The following CNTNAP2 variants were observed in gnomAD, a reference collection of about 807,000 sequenced individuals.
CNTNAP2 encodes the protein contactin-associated protein-like 2.
Under a neutral mutation model 155.2 loss-of-function variants are expected in CNTNAP2, and 98 were observed. The observed-to-expected ratio is 0.63, with a 90% CI of 0.54 to 0.75. The LOEUF (loss-of-function observed/expected upper bound fraction) is 0.75. Ranked by LOEUF, CNTNAP2 falls within the 30% of genes least tolerant of loss-of-function variation. The probability of loss-of-function intolerance (pLI) is 0.00; values close to 1 mark genes in which losing one functional copy is unlikely to be tolerated. For synonymous variants in CNTNAP2, 651 were observed against 631.2 expected, an observed-to-expected ratio of 1.03 and a Z score of -0.47; for missense variants, 1,727 against 1,688.1, an observed-to-expected ratio of 1.02 and a Z score of -0.40.
intron 15 of CNTNAP2, among the ~76,000 whole-genome samples, chr7:147,987,492 G>A (rs76686136): frequency 1.4e-4 from 21 of 152,262 alleles, no homozygotes; most frequent in Admixed American, 2.0e-4. Flanking sequence ...TAACGTGAAT[G>A]AGCTGATGCC....
intron 19 of CNTNAP2, among the ~76,000 whole-genome samples, chr7:148,229,289 T>A (rs977165714): frequency 6.6e-6 from 1 of 152,184 alleles, no homozygotes; most frequent in Admixed American, 6.5e-5. Context: ...TTTGGGAGGC[T>A]GAGGCGAACG....
chr7:146,559,552 A>G (rs568692505), intron 1 of CNTNAP2, among the ~76,000 whole-genome samples: 1 of 152,264 alleles, frequency 6.6e-6, no homozygotes, highest in South Asian at 2.1e-4. Context: ...CTGGCAACAG[A>G]GCAACACTCT....
In CNTNAP2 at chr7:147,877,291, C is replaced by A. The variant is rs892205015; in HGVS notation, c.2099-26274C>A. On this transcript the variant is annotated intron_variant, in intron 13 of 23. Transcript: ENST00000361727. ...TGCCAGAGCCTTTTTGTTTTTCCTT[C>A]TTTCTCAGGTCTCAGAGTAAATGTT... is the stretch of plus-strand genomic sequence containing the variant. 7.2e-5 allele frequency among the ~76,000 whole-genome samples: 11 copies of A among 152,112 alleles called. No individual in the cohort carries two copies. In the South Asian group the frequency reaches 1.2e-3, roughly 17 times the overall value.
intron 1 of CNTNAP2, among the ~76,000 whole-genome samples, chr7:146,192,270 A>G (rs117978466): frequency 1.3e-5 from 2 of 152,108 alleles, no homozygotes; most frequent in Non-Finnish European, 2.9e-5. Flanking sequence ...GCCTGTAAAT[A>G]CTTGTAACAT....
At chr7:148,296,407 C>T (rs1299594955) in intron 21 of CNTNAP2, among the ~76,000 whole-genome samples, 9 of 151,600 alleles carry the variant, frequency 5.9e-5, no homozygotes, top group African/African-American at 2.2e-4. Flanking sequence ...ATTATCCAGG[C>T]ATAGTGGCAT....
At chr7:146,426,463 GTA>G (rs1292548607) in intron 1 of CNTNAP2, among the ~76,000 whole-genome samples, 2 of 149,194 alleles carry the variant, frequency 1.3e-5, no homozygotes, top group Admixed American at 1.3e-4. Flanking sequence ...AAATGTGTGT[GTA>G]TATATATAAA....
intron 1 of CNTNAP2, among the ~76,000 whole-genome samples, chr7:146,388,682 A>G (rs1795496530): frequency 6.6e-6 from 1 of 152,162 alleles, no homozygotes; most frequent in South Asian, 2.1e-4. Context: ...CTATTGTGCT[A>G]TCAAATAGTA....
At chr7:148,235,418 C>T (rs1452236394) in intron 20 of CNTNAP2, among the ~76,000 whole-genome samples, 2 of 152,256 alleles carry the variant, frequency 1.3e-5, no homozygotes, top group East Asian at 3.9e-4. Flanking sequence ...CAATAAAAGT[C>T]TGTCTTACAT....
At chr7:147,364,982 T>G (rs371227059) in intron 9 of CNTNAP2, among the ~76,000 whole-genome samples, 1 of 152,322 alleles carries the variant, frequency 6.6e-6, no homozygotes, top group East Asian at 1.9e-4. Context: ...AAAAGAACCC[T>G]TATAACCAAG....
intron 14 of CNTNAP2, among the ~76,000 whole-genome samples, chr7:147,904,973 T>C (rs1349039161): frequency 6.6e-6 from 1 of 152,054 alleles, no homozygotes; most frequent in Non-Finnish European, 1.5e-5. Flanking sequence ...TAAAAGGGCA[T>C]GGTCTTTGAA....
At chr7:148,122,242 G>A (rs187585012) in intron 16 of CNTNAP2, among the ~76,000 whole-genome samples, 1 of 152,196 alleles carries the variant, frequency 6.6e-6, no homozygotes, top group Non-Finnish European at 1.5e-5. Flanking sequence ...CAAACATTAT[G>A]TGTCTGTCCC....
At chr7:146,536,564 A>G (rs939772389) in intron 1 of CNTNAP2, among the ~76,000 whole-genome samples, 9 of 151,780 alleles carry the variant, frequency 5.9e-5, no homozygotes, top group African/African-American at 2.2e-4. Flanking sequence ...CTGACTGTTG[A>G]CTGCTCACTG....
chr7:147,589,599 T>G (rs1330788765), intron 12 of CNTNAP2, among the ~76,000 whole-genome samples: 1 of 152,184 alleles, frequency 6.6e-6, no homozygotes, highest in African/African-American at 2.4e-5. Context: ...ATAAAATGTG[T>G]ATCATGCTGT....
intron 3 of CNTNAP2, among the ~76,000 whole-genome samples, chr7:146,901,942 C>G (rs184005782): frequency 7.6e-6 from 1 of 131,466 alleles, no homozygotes; most frequent in East Asian, 2.4e-4. Context: ...GTGGTGCGAT[C>G]TCGGCTCACT....
intron 14 of CNTNAP2, among the ~76,000 whole-genome samples, 173 bp from the exon 15 acceptor site, chr7:147,977,689 T>A (rs1263450059): frequency 6.6e-6 from 1 of 152,212 alleles, no homozygotes; most frequent in African/African-American, 2.4e-5. Flanking sequence ...CTGAGCAATG[T>A]GCTATGAGAC....
intron 2 of CNTNAP2, among the ~76,000 whole-genome samples, chr7:146,831,399 C>T (rs998101883): frequency 6.6e-6 from 1 of 152,070 alleles, no homozygotes; most frequent in African/African-American, 2.4e-5. Context: ...AAGGAACAGG[C>T]CAGGCGTGGT....
intron 13 of CNTNAP2, among the ~76,000 whole-genome samples, chr7:147,785,550 A>G (rs1797726275): frequency 6.6e-6 from 1 of 152,232 alleles, no homozygotes; most frequent in Non-Finnish European, 1.5e-5. Context: ...CGAACCAGCT[A>G]GAAAATATAG....
At chr7:148,039,209 C>G (rs1802625301) in intron 15 of CNTNAP2, among the ~76,000 whole-genome samples, 1 of 152,144 alleles carries the variant, frequency 6.6e-6, no homozygotes, top group Non-Finnish European at 1.5e-5. Flanking sequence ...GCCTGAGAAC[C>G]CAGGTGGCCA....
In CNTNAP2 at chr7:148,169,227, G is replaced by A. The variant is rs1585164312; in HGVS notation, c.2774-3015G>A. On this transcript the variant is annotated intron_variant, in intron 17 of 23. Coordinates refer to ENST00000361727, the MANE Select transcript of CNTNAP2 (RefSeq NM_014141.6). ...TTACTCAGCTCACAGTATTTGAGGT[G>A]ATGCAGATTTAAACAGTGAATCCTT... 2.6e-5 allele frequency among the ~76,000 whole-genome samples: 4 copies of A among 152,160 alleles called. No individual in the cohort carries two copies. In the South Asian group the frequency reaches 6.2e-4, roughly 24 times the overall value.
Sources: gnomAD v4.1 joint callset for allele counts (sites outside exome capture counted in the v4.1 genomes callset) on GRCh38, gnomAD v4.1.1 for gene constraint, MANE v1.5 for transcripts, NCBI Gene and HGNC (gene_info 2026-07-23, HGNC 2026-07-21) for gene names.